Variants in FOXN4 observed in about 807,000 individuals in gnomAD.
FOXN4 encodes forkhead box protein N4.
FOXN4 carries 12 observed loss-of-function variants against 45.0 expected under a neutral mutation model. That is an observed-to-expected ratio of 0.27 (90% CI 0.17 to 0.43). FOXN4 has a LOEUF of 0.43. Among genes scored for constraint, FOXN4 ranks in the 20% least tolerant of loss-of-function variants. FOXN4 has a pLI of 1.00. For synonymous variants in FOXN4, 297 were observed against 295.0 expected (o/e 1.01, Z -0.07); for missense variants, 560 against 694.9 (o/e 0.81, Z 2.18).
At position 109,288,153 on chromosome 12, in the gene FOXN4, TGCAGGTCG is replaced by T; in HGVS notation, c.252_259del (p.Asp85CysfsTer214). On this transcript the variant is annotated frameshift_variant, in exon 4 of 10. Transcript: ENST00000299162. LOFTEE classifies it high-confidence loss of function. This position sits in a 1 kb window ranked among gnomAD's most constrained non-coding sequence, Gnocchi z 4.3. ...AAGGGGACTTGGAGTGGCTCCCACA[TGCAGGTCG>T]GCCACCCCAGCCAAGGCACCTGCCG... 1.3e-6 allele frequency: 2 copies of T among 1,547,294 alleles called. No individual in the cohort carries two copies. The highest frequency in any genetic ancestry group is 1.7e-6 in the Non-Finnish European group (2 of 1,146,026).
chr12:109,282,994 C>G (rs1182032450), intron 8 of FOXN4, among the ~76,000 whole-genome samples: 2 of 152,092 alleles, frequency 1.3e-5, no homozygotes, highest in African/African-American at 2.4e-5. Flanking sequence ...TTGGCTCCTG[C>G]TATAGCCCTT....
chr12:109,281,619 AG>A lies in FOXN4; in HGVS notation c.1081del (p.Leu361CysfsTer45). On this transcript the variant is annotated frameshift_variant, in exon 9 of 10. Coordinates refer to ENST00000299162, the MANE Select transcript of FOXN4 (RefSeq NM_213596.3). LOFTEE classifies it high-confidence loss of function. ...TGCCTGGGGCTGGACCTGGTGGTGC[AG>A]GGGGACTGACTGCAGGGACAGGGTC... ...LMTLSLQSVP[L>X]HHQVQPQAHL... 6.2e-7 allele frequency: 1 copy of A among 1,609,902 alleles called. No individual in the cohort carries two copies. The highest frequency in any genetic ancestry group is 8.5e-7 in the Non-Finnish European group (1 of 1,178,198).
chr12:109,281,254 C>T (rs1048705497), intron 9 of FOXN4, among the ~76,000 whole-genome samples, 153 bp downstream of exon 9: 4 of 152,128 alleles, frequency 2.6e-5, no homozygotes, highest in Admixed American at 6.5e-5. Flanking sequence ...TTTGGATTTC[C>T]GGATTAGGGA....
chr12:109,304,284 AAAGAAAGAAAG>A lies in FOXN4; in HGVS notation c.86+3941_86+3951del, dbSNP rs1566005682. On this transcript the variant is annotated intron_variant, in intron 2 of 9. Transcript: ENST00000299162. Reference sequence around the variant, plus strand: ...GAAAGAAAGAAAGAAAGAAAGAAAGAAAGAAAGAAAGGAGAAAGAAAGAAGGAAAGAAGGAA... The same window carrying A: ...GAAAGAAAGAAAGAAAGAAAGAAAGAGAGAAAGAAAGAAGGAAAGAAGGAA... Among the ~76,000 whole-genome samples the A allele has an allele frequency of 4.0e-4, 23 of 56,868 alleles. 2 individuals carry two copies. Among genetic ancestry groups the A allele is most frequent in the African/African-American group, 1.5e-3 (20 of 13,732 alleles). The allele number at this position is 56,868 out of a possible 152,430, so 37.3% of individuals were successfully genotyped here.
chr12:109,292,150 C>A (rs2047775450), intron 2 of FOXN4, among the ~76,000 whole-genome samples: 1 of 152,198 alleles, frequency 6.6e-6, no homozygotes, highest in South Asian at 2.1e-4. Flanking sequence ...GGCCAGACAA[C>A]CTCCCGGCGC....
intron 6 of FOXN4, chr12:109,286,998 C>T: frequency 1.1e-6 from 1 of 939,322 alleles, no homozygotes; most frequent in Non-Finnish European, 1.5e-6. Flanking sequence ...CTCTTTATTG[C>T]ATCCCCATAA....
In FOXN4 at chr12:109,278,742, C is replaced by T. The variant is rs757838639; in HGVS notation, c.*929G>A. On this transcript the variant is annotated 3_prime_UTR_variant, in exon 10 of 10. Transcript: ENST00000299162. ...TGGCACCGCCCCTCTTAGGTACATGCAAGAAGAGATGTGAATCATGAACAG... is the reference window on the plus strand; with the variant it reads ...TGGCACCGCCCCTCTTAGGTACATGTAAGAAGAGATGTGAATCATGAACAG... The T allele has an allele frequency of 6.6e-6, 1 of 151,936 alleles. No individual in the cohort carries two copies. Among genetic ancestry groups the T allele is most frequent in the Non-Finnish European group, 1.5e-5 (1 of 68,006 alleles). 9.4% of individuals were successfully genotyped at this position (151,936 alleles called of 1,614,324 possible). A position where few individuals can be genotyped will look rare whatever the true frequency, so the allele number is the denominator to read the frequency against.
chr12:109,279,593 C>G lies in FOXN4; in HGVS notation c.*78G>C, dbSNP rs2047632647. The G allele has an allele frequency of 6.5e-7, 1 of 1,530,890 alleles. No individual in the cohort carries two copies. Among genetic ancestry groups the G allele is most frequent in the Non-Finnish European group, 8.8e-7 (1 of 1,134,446 alleles). 94.8% of individuals were successfully genotyped at this position (1,530,890 alleles called of 1,614,324 possible). A position where few individuals can be genotyped will look rare whatever the true frequency, so the allele number is the denominator to read the frequency against. Reference sequence around the variant, plus strand: ...GCTTCGGGGACAATGAGGGACCTGCCTTCTGGGAACACCCTGTTCTAGTCA... The same window carrying G: ...GCTTCGGGGACAATGAGGGACCTGCGTTCTGGGAACACCCTGTTCTAGTCA... On this transcript the variant is annotated 3_prime_UTR_variant, in exon 10 of 10. Transcript: ENST00000299162.
At chr12:109,304,642 T>TAGA (rs879274152) in intron 2 of FOXN4, among the ~76,000 whole-genome samples, 2,565 of 152,308 alleles carry the variant, frequency 0.017, 35 homozygotes, top group Non-Finnish European at 0.025. Flanking sequence ...CGCCTCTAGC[T>TAGA]GCTGCCCCCG....
At position 109,290,252 on chromosome 12, in the gene FOXN4, C is replaced by A; in HGVS notation, c.121G>T (p.Gly41Trp). ...LATTSDDDLP[G>W]DLQSLSWLTA... is the part of the protein sequence containing the mutation. ...AGCCACGACAGCGACTGCAGGTCCC[C>A]GGGAAGGTCATCATCGCTGGTGGTG... The change falls in exon 3 of 10, where the codon GGG (glycine) becomes TGG (tryptophan). Residue 41 changes from glycine to tryptophan, a missense_variant. Physicochemically the swap from Gly to Trp is radical, Grantham distance 184. Coordinates refer to ENST00000299162, the MANE Select transcript of FOXN4 (RefSeq NM_213596.3). The surrounding 1 kb of genome is among the most constrained non-coding windows in gnomAD (Gnocchi z 5.1). The A allele has an allele frequency of 6.4e-7, 1 of 1,551,034 alleles. No individual in the cohort carries two copies. Among genetic ancestry groups the A allele is most frequent in the Non-Finnish European group, 8.7e-7 (1 of 1,146,738 alleles).
chr12:109,300,103 C>T (rs535700269), intron 2 of FOXN4, among the ~76,000 whole-genome samples: 79 of 152,292 alleles, frequency 5.2e-4, no homozygotes, highest in Admixed American at 2.1e-3. Flanking sequence ...ACAGGTAGGC[C>T]GCTCACCCCA....
chr12:109,287,962 G>A lies in FOXN4; in HGVS notation c.358-8C>T, dbSNP rs1050744599. 1.9e-6 allele frequency: 3 copies of A among 1,549,722 alleles called. No individual in the cohort carries two copies. The stretch of plus-strand genomic sequence containing the variant: ...CACGGGGAACTGGCTCATCTGCTGG[G>A]CAGGAAGAGGAGGAGACAGAGGGTC... On this transcript the variant is annotated splice_region_variant and splice_polypyrimidine_tract_variant and intron_variant, in intron 4 of 9. Transcript: ENST00000299162. This position sits in a 1 kb window ranked among gnomAD's most constrained non-coding sequence, Gnocchi z 4.1.
intron 9 of FOXN4, among the ~76,000 whole-genome samples, chr12:109,280,309 C>CTGT (rs1439966776): frequency 7.3e-6 from 1 of 137,478 alleles, no homozygotes; most frequent in Non-Finnish European, 1.5e-5. Context: ...TGCCACTGCG[C>CTGT]TACAGCCTGG....
chr12:109,285,087 C>T (rs1158097593), intron 8 of FOXN4, among the ~76,000 whole-genome samples: 1 of 151,368 alleles, frequency 6.6e-6, no homozygotes, highest in Non-Finnish European at 1.5e-5. Flanking sequence ...CTGGGGTTGC[C>T]CATGCTCCGG....
chr12:109,292,559 T>C (rs1315921674), intron 2 of FOXN4, among the ~76,000 whole-genome samples: 1 of 152,180 alleles, frequency 6.6e-6, no homozygotes, highest in Non-Finnish European at 1.5e-5. Context: ...ATAAGAAATA[T>C]GTAATTGTAT....
At chr12:109,292,531 G>C (rs948761247) in intron 2 of FOXN4, among the ~76,000 whole-genome samples, 131 of 152,264 alleles carry the variant, frequency 8.6e-4, no homozygotes, top group Non-Finnish European at 2.6e-4. Context: ...AACAATAGCT[G>C]TTATCGCATA....
chr12:109,287,304 G>T lies in FOXN4; in HGVS notation c.596+93C>A. 6.7e-7 allele frequency: 1 copy of T among 1,485,242 alleles called. No individual in the cohort carries two copies. The highest frequency in any genetic ancestry group is 9.1e-7 in the Non-Finnish European group (1 of 1,099,552). The allele number at this position is 1,485,242 out of a possible 1,614,324, so 92.0% of individuals were successfully genotyped here. A position where few individuals can be genotyped will look rare whatever the true frequency, so the allele number is the denominator to read the frequency against. ...AACCTCCCCCTTGGAAGTCTGGGCT[G>T]CCACACTAGCTGTCTGAGATGCCCT... On this transcript the variant is annotated intron_variant, in intron 6 of 9. Transcript: ENST00000299162. This position sits in a 1 kb window ranked among gnomAD's most constrained non-coding sequence, Gnocchi z 4.1.
chr12:109,283,335 A>G (rs2047670550), intron 8 of FOXN4, among the ~76,000 whole-genome samples: 1 of 152,180 alleles, frequency 6.6e-6, no homozygotes, highest in Non-Finnish European at 1.5e-5. Context: ...AAGCATATTT[A>G]TTCTCATTCT....
chr12:109,303,898 T>A (rs2047888825), intron 2 of FOXN4, among the ~76,000 whole-genome samples: 1 of 152,026 alleles, frequency 6.6e-6, no homozygotes, highest in Admixed American at 6.6e-5. Flanking sequence ...TCAGTACCTG[T>A]CTCATGGTTG....
Sources: gnomAD v4.1 joint callset for allele counts (sites outside exome capture counted in the v4.1 genomes callset) on GRCh38, gnomAD v4.1.1 for gene constraint, Gnocchi (gnomAD v3.1) non-coding constraint, MANE v1.5 for transcripts, NCBI Gene and HGNC (gene_info 2026-07-23, HGNC 2026-07-21) for gene names.